Variants in MLPH observed in about 807,000 individuals in gnomAD.
MLPH encodes melanophilin.
Under a neutral mutation model 72.1 loss-of-function variants are expected in MLPH, and 51 were observed. That is an observed-to-expected ratio of 0.71 (90% CI 0.56 to 0.89). The LOEUF is 0.89. Among genes scored for constraint, MLPH ranks in the 40% least tolerant of loss-of-function variants. MLPH has a pLI of 0.00. For missense variants in MLPH, 743 were observed against 759.9 expected (o/e 0.98, Z 0.26); for synonymous variants, 301 against 310.1 (o/e 0.97, Z 0.31).
intron 13 of MLPH, among the ~76,000 whole-genome samples, chr2:237,548,592 G>A (rs1481499994): frequency 1.3e-5 from 2 of 152,206 alleles, no homozygotes; most frequent in African/African-American, 4.8e-5. Flanking sequence ...GAATTAGCCG[G>A]GCGCAGTGGC....
In MLPH at chr2:237,546,697, CATTCAAGCCCCAGACACCCGACA is replaced by C. The variant is rs1187515388; in HGVS notation, c.1617+16_1617+38del. On this transcript the variant is annotated intron_variant, in intron 13 of 15. Coordinates refer to ENST00000264605, the MANE Select transcript of MLPH (RefSeq NM_024101.7). Reference sequence around the variant, plus strand: ...AGTGAGGCCAAGGTATGTGTTACTCCATTCAAGCCCCAGACACCCGACAAAGGTGGAAGACTGCACCCCTTTCC... The same window carrying C: ...AGTGAGGCCAAGGTATGTGTTACTCCAAGGTGGAAGACTGCACCCCTTTCC... 5 of 1,609,914 alleles carry C rather than the reference CATTCAAGCCCCAGACACCCGACA, an allele frequency of 3.1e-6. No homozygotes were observed. Among genetic ancestry groups the C allele is most frequent in the Non-Finnish European group, 4.3e-6 (5 of 1,176,144 alleles).
intron 6 of MLPH, among the ~76,000 whole-genome samples, chr2:237,522,686 G>T (rs1272386391): frequency 6.6e-6 from 1 of 152,230 alleles, no homozygotes; most frequent in African/African-American, 2.4e-5. Context: ...ACTGGGGTTG[G>T]GCCTTGTATG....
chr2:237,502,070 C>G (rs2079663645), intron 2 of MLPH, among the ~76,000 whole-genome samples: 1 of 152,058 alleles, frequency 6.6e-6, no homozygotes, highest in African/African-American at 2.4e-5. Flanking sequence ...CTGAGGATAT[C>G]CTCGTGATGT....
At chr2:237,543,183 G>GC (rs540936481) in intron 12 of MLPH, among the ~76,000 whole-genome samples, 1 of 3,146 alleles carries the variant, frequency 3.2e-4, no homozygotes, top group Non-Finnish European at 4.8e-4. Flanking sequence ...GTGAGTGGGG[G>GC]ACAGTGGTGA....
At chr2:237,530,763 G>T (rs1003885783) in intron 8 of MLPH, among the ~76,000 whole-genome samples, 1 of 152,220 alleles carries the variant, frequency 6.6e-6, no homozygotes. Context: ...AGCAAGCAAG[G>T]CCCTGACACA....
chr2:237,517,138 T>A (rs1025270226), intron 4 of MLPH, among the ~76,000 whole-genome samples: 1 of 151,372 alleles, frequency 6.6e-6, no homozygotes, highest in South Asian at 2.1e-4. Flanking sequence ...TCTGAGTGGA[T>A]GAATGCATTG....
At chr2:237,511,225 T>C in intron 4 of MLPH, 124 bp downstream of exon 4, 1 of 778,238 alleles carries the variant, frequency 1.3e-6, no homozygotes, top group Non-Finnish European at 2.3e-6. Context: ...TGCACATGTG[T>C]GTGCATGCAC....
At chr2:237,489,944 C>T (rs567562399) in intron 1 of MLPH, among the ~76,000 whole-genome samples, 2 of 152,242 alleles carry the variant, frequency 1.3e-5, no homozygotes, top group African/African-American at 2.4e-5. Flanking sequence ...CTATTAATCC[C>T]TGTGTCCCGT....
intron 9 of MLPH, among the ~76,000 whole-genome samples, chr2:237,537,033 G>A (rs2080546346): frequency 6.6e-6 from 1 of 152,210 alleles, no homozygotes; most frequent in African/African-American, 2.4e-5. Flanking sequence ...TGGCCCTCTG[G>A]GCCATCAAGG....
intron 13 of MLPH, among the ~76,000 whole-genome samples, chr2:237,546,931 C>A (rs907059712): frequency 6.6e-6 from 1 of 152,156 alleles, no homozygotes; most frequent in South Asian, 2.1e-4. Flanking sequence ...AGTAGGGGAG[C>A]GGGAAAGTGA....
chr2:237,526,911 G>A (rs1362205150), intron 7 of MLPH, among the ~76,000 whole-genome samples: 2 of 152,162 alleles, frequency 1.3e-5, no homozygotes, highest in Non-Finnish European at 2.9e-5. Flanking sequence ...CTTAACCTCT[G>A]TGCACCTCAG....
At chr2:237,549,149 A>C in intron 13 of MLPH, 72 bp from the exon 14 acceptor site, 1 of 1,430,916 alleles carries the variant, frequency 7.0e-7, no homozygotes, top group Admixed American at 1.7e-5. Context: ...GAACAATAAG[A>C]AATCCAAAAT....
chr2:237,532,151 TGTGGTGGGA>T (rs1431355874), intron 8 of MLPH, among the ~76,000 whole-genome samples: 4 of 152,208 alleles, frequency 2.6e-5, no homozygotes, highest in Non-Finnish European at 5.9e-5. Flanking sequence ...GTGAAGTGGC[TGTGGTGGGA>T]CCCCAGGAGG....
At chr2:237,489,551 GA>G (rs2079387328) in intron 1 of MLPH, among the ~76,000 whole-genome samples, 1 of 152,180 alleles carries the variant, frequency 6.6e-6, no homozygotes, top group South Asian at 2.1e-4. Context: ...CAGCATTCGG[GA>G]AACAGCCACA....
intron 2 of MLPH, among the ~76,000 whole-genome samples, chr2:237,503,383 C>A (rs924907631): frequency 6.6e-6 from 1 of 152,154 alleles, no homozygotes; most frequent in Non-Finnish European, 1.5e-5. Flanking sequence ...TCTTTTTTAT[C>A]GTCATCTTGG....
intron 2 of MLPH, among the ~76,000 whole-genome samples, chr2:237,506,468 G>A (rs895039838): frequency 6.6e-6 from 1 of 152,152 alleles, no homozygotes; most frequent in Non-Finnish European, 1.5e-5. Context: ...CAAAAACCAA[G>A]TTCCTCGAGT....
intron 8 of MLPH, among the ~76,000 whole-genome samples, chr2:237,530,216 C>CA (rs11371729): frequency 0.21 from 32,035 of 152,016 alleles, 4,640 homozygotes; most frequent in African/African-American, 0.41. Flanking sequence ...GAGTGGGCAA[C>CA]AGGAAGTATG....
At chr2:237,553,362 A>C (rs1375731079) in intron 15 of MLPH, 1 of 655,838 alleles carries the variant, frequency 1.5e-6, no homozygotes, top group South Asian at 1.7e-5. Flanking sequence ...AGTCAGCACG[A>C]ATTGGCCTTA....
intron 4 of MLPH, chr2:237,511,619 T>C (rs1260990476): frequency 6.2e-6 from 1 of 161,548 alleles, no homozygotes; most frequent in African/African-American, 2.4e-5. Flanking sequence ...ACTACATGTT[T>C]TCCAAGCCCT....
Sources: allele counts gnomAD v4.1 joint callset (sites outside exome capture counted in the v4.1 genomes callset), GRCh38; gene constraint gnomAD v4.1.1; transcripts MANE v1.5; gene names NCBI Gene and HGNC (gene_info 2026-07-23, HGNC 2026-07-21).